Variants in STK31 observed in about 807,000 individuals in gnomAD.
STK31 encodes serine/threonine kinase 31.
In STK31, 89 loss-of-function variants were observed where a neutral mutation model predicts 129.7. The observed-to-expected ratio is 0.69, with a 90% CI of 0.58 to 0.82. The LOEUF (loss-of-function observed/expected upper bound fraction) is 0.82. STK31 is among the 40% of genes least tolerant of loss of function. STK31 has a pLI of 0.00. For missense variants in STK31, 1,187 were observed against 1,176.4 expected (o/e 1.01, Z -0.13); for synonymous variants, 448 against 395.3 (o/e 1.13, Z -1.58).
chr7:23,824,858 TG>T (rs1193192805), intron 23 of STK31, among the ~76,000 whole-genome samples: 3 of 151,982 alleles, frequency 2.0e-5, no homozygotes, highest in African/African-American at 7.2e-5. Flanking sequence ...GAGATAATCA[TG>T]TGGTTTTTGT....
chr7:23,757,160 A>G (rs1789139506), intron 10 of STK31, among the ~76,000 whole-genome samples: 1 of 151,984 alleles, frequency 6.6e-6, no homozygotes, highest in Admixed American at 6.6e-5. Flanking sequence ...TACTACCTCA[A>G]TTTCAGAGTT....
At chr7:23,757,773 TG>T (rs1184254132) in intron 10 of STK31, among the ~76,000 whole-genome samples, 1 of 152,088 alleles carries the variant, frequency 6.6e-6, no homozygotes, top group African/African-American at 2.4e-5. Flanking sequence ...GGTGTCGGGC[TG>T]GGGGACGGTC....
At chr7:23,815,108 C>G in intron 22 of STK31, 36 bp from the exon 23 acceptor site, 1 of 1,499,910 alleles carries the variant, frequency 6.7e-7, no homozygotes. Flanking sequence ...CGTATTAATA[C>G]ATTGGACATT....
intron 6 of STK31, 59 bp from the exon 7 acceptor site, chr7:23,735,479 A>G (rs1787662150): frequency 1.4e-6 from 2 of 1,444,598 alleles, no homozygotes; most frequent in African/African-American, 1.4e-5. Flanking sequence ...ATGGGTAGGA[A>G]CAAAATAAGG....
chr7:23,822,150 A>AT (rs1316703211), intron 23 of STK31, among the ~76,000 whole-genome samples: 3 of 151,858 alleles, frequency 2.0e-5, no homozygotes, highest in South Asian at 2.1e-4. Context: ...GAAATTTAGG[A>AT]TTTTTTTCTA....
intron 22 of STK31, among the ~76,000 whole-genome samples, chr7:23,810,731 G>GATAT (rs56671075): frequency 4.7e-5 from 3 of 63,646 alleles, no homozygotes; most frequent in East Asian, 3.8e-4. Flanking sequence ...ATATAAAATA[G>GATAT]ATATATATAA....
intron 22 of STK31, among the ~76,000 whole-genome samples, chr7:23,798,434 G>C (rs10215122): frequency 0.34 from 33,854 of 99,626 alleles, 6,888 homozygotes; most frequent in Non-Finnish European, 0.38. Context: ...TGGGATGCAA[G>C]GCTGGTTCAA....
At chr7:23,799,888 A>G (rs1250644101) in intron 22 of STK31, among the ~76,000 whole-genome samples, 1 of 152,192 alleles carries the variant, frequency 6.6e-6, no homozygotes. Context: ...AAACACATTT[A>G]CAAAAAGAAA....
intron 8 of STK31, among the ~76,000 whole-genome samples, chr7:23,750,836 T>G (rs2128091696): frequency 6.6e-6 from 1 of 152,370 alleles, no homozygotes; most frequent in African/African-American, 2.4e-5. Context: ...TGTAGGTATT[T>G]AGGATATCGA....
intron 6 of STK31, among the ~76,000 whole-genome samples, chr7:23,733,393 CTTTTT>C (rs36053082): frequency 1.6e-5 from 2 of 125,758 alleles, no homozygotes; most frequent in Admixed American, 8.0e-5. Context: ...CTAAAAAATT[CTTTTT>C]TTTTTTTTTT....
chr7:23,717,406 T>C (rs1786410338), intron 3 of STK31, 75 bp from the exon 4 acceptor site: 9 of 978,966 alleles, frequency 9.2e-6, no homozygotes, highest in Non-Finnish European at 1.3e-5. Context: ...AAGTTTATCA[T>C]GCTTAGAACC....
At chr7:23,815,907 T>C (rs1281647628) in intron 23 of STK31, among the ~76,000 whole-genome samples, 1 of 152,090 alleles carries the variant, frequency 6.6e-6, no homozygotes, top group African/African-American at 2.4e-5. Context: ...AGGATAAATA[T>C]GGCAGTAAAT....
intron 8 of STK31, 79 bp from the exon 9 acceptor site, chr7:23,752,638 G>C: frequency 9.0e-7 from 1 of 1,112,402 alleles, no homozygotes; most frequent in South Asian, 1.3e-5. Context: ...ACTGTGCCCA[G>C]CCAAAAATTA....
In STK31 at chr7:23,832,003, C is replaced by G. The variant is rs1291635386; in HGVS notation, c.2830-133C>G. On this transcript the variant is annotated intron_variant, in intron 23 of 23. Coordinates refer to ENST00000355870, the MANE Select transcript of STK31 (RefSeq NM_031414.5). ...GTGTTTTTTTTTGTTGAGGGGAGTA[C>G]CAGATACCTCGTCAGTCATCTTGAA... 9 of 635,488 alleles carry G rather than the reference C, an allele frequency of 1.4e-5. No homozygotes were observed. In the East Asian group the frequency reaches 1.6e-4, roughly 12 times the overall value. 39.4% of individuals were successfully genotyped at this position (635,488 alleles called of 1,614,324 possible). A position where few individuals can be genotyped will look rare whatever the true frequency, so the allele number is the denominator to read the frequency against.
intron 22 of STK31, among the ~76,000 whole-genome samples, chr7:23,806,319 C>T (rs947888941): frequency 1.3e-5 from 2 of 152,146 alleles, no homozygotes; most frequent in African/African-American, 2.4e-5. Context: ...ACTTTTCACA[C>T]GTGATACCTG....
intron 14 of STK31, 109 bp downstream of exon 14, chr7:23,771,233 C>A: frequency 3.2e-6 from 3 of 952,030 alleles, no homozygotes; most frequent in Non-Finnish European, 2.9e-6. Context: ...ATTGTTATTA[C>A]TAGAATTCAC....
chr7:23,800,888 A>G (rs545221551), intron 22 of STK31, among the ~76,000 whole-genome samples: 5 of 152,250 alleles, frequency 3.3e-5, no homozygotes, highest in African/African-American at 1.2e-4. Flanking sequence ...TGTCTAATGT[A>G]GTTTTTCCCT....
intron 10 of STK31, among the ~76,000 whole-genome samples, chr7:23,757,779 A>ACGGTCAGGTCTTTCCCTTCCCACGAAGC (rs1789187830): frequency 6.6e-6 from 1 of 151,924 alleles, no homozygotes; most frequent in Non-Finnish European, 1.5e-5. Context: ...GGGCTGGGGG[A>ACGGTCAGGTCTTTCCCTTCCCACGAAGC]CGGTCAGGTC....
chr7:23,778,703 T>C (rs1767549617), intron 15 of STK31, among the ~76,000 whole-genome samples: 1 of 152,066 alleles, frequency 6.6e-6, no homozygotes, highest in South Asian at 2.1e-4. Context: ...TGTTCTTCTC[T>C]AAACAGGTTA....
Sources: allele counts gnomAD v4.1 joint callset (sites outside exome capture counted in the v4.1 genomes callset), GRCh38; gene constraint gnomAD v4.1.1; transcripts MANE v1.5; gene names NCBI Gene and HGNC (gene_info 2026-07-23, HGNC 2026-07-21).